Variants in METTL6 observed in about 807,000 individuals in gnomAD.
METTL6 encodes tRNA N(3)-cytidine methyltransferase METTL6.
A neutral mutation model predicts 26.4 loss-of-function variants in METTL6; 22 were observed. That is an observed-to-expected ratio of 0.83 (90% CI 0.59 to 1.19). The LOEUF is 1.19. METTL6 is among the 50% of genes most tolerant of loss of function. METTL6 has a pLI of 0.00. For synonymous variants in METTL6, 109 were observed against 116.2 expected, an observed-to-expected ratio of 0.94 and a Z score of 0.40; for missense variants, 304 against 324.8, an observed-to-expected ratio of 0.94 and a Z score of 0.49.
chr3:15,421,583 C>G (rs940393172), intron 3 of METTL6, among the ~76,000 whole-genome samples: 13 of 152,076 alleles, frequency 8.5e-5, no homozygotes, highest in African/African-American at 3.1e-4. Flanking sequence ...ACCTCAGTCT[C>G]CCAAACAGCT....
chr3:15,384,393 G>A, intron 6 of METTL6: 2 of 171,622 alleles, frequency 1.2e-5, no homozygotes, highest in Non-Finnish European at 2.5e-5. Flanking sequence ...GACCAAAACA[G>A]GAAATAAAGA....
At position 15,412,342 on chromosome 3, in the gene METTL6, A is replaced by G. The variant is rs530071030; in HGVS notation, c.674-905T>C. 1.2e-3 allele frequency among the ~76,000 whole-genome samples: 179 copies of G among 152,362 alleles called. 2 individuals carry two copies. The highest frequency in any genetic ancestry group is 3.4e-3 in the African/African-American group (142 of 41,592). ...GGCAGCAAAAATAAAGACTCGTACT[A>G]AGAGCATTGCTCCAGAGAACGTGCT... On this transcript the variant is annotated intron_variant, in intron 5 of 5. Coordinates refer to ENST00000383790, the MANE Select transcript of METTL6 (RefSeq NM_152396.4).
chr3:15,391,841 T>C (rs1480243665), intron 6 of METTL6, among the ~76,000 whole-genome samples: 3 of 152,188 alleles, frequency 2.0e-5, no homozygotes, highest in Non-Finnish European at 4.4e-5. Flanking sequence ...CCATTTTTTA[T>C]GGCTGCATAG....
chr3:15,381,860 C>G (rs763804195), exon 7 of METTL6: 8 of 151,926 alleles, frequency 5.3e-5, no homozygotes, highest in Non-Finnish European at 7.4e-5. Flanking sequence ...CAGATTATCT[C>G]TTAGGAAACA....
chr3:15,420,728 TAG>T (rs1385839673), intron 3 of METTL6, among the ~76,000 whole-genome samples: 2 of 152,186 alleles, frequency 1.3e-5, no homozygotes, highest in African/African-American at 4.8e-5. Flanking sequence ...ATGACCAACG[TAG>T]AGTCAGTAAC....
intron 6 of METTL6, among the ~76,000 whole-genome samples, chr3:15,385,282 G>A (rs1016642557): frequency 6.6e-6 from 1 of 152,082 alleles, no homozygotes; most frequent in African/African-American, 2.4e-5. Flanking sequence ...TTTAGGAACT[G>A]CCCCTTCTTT....
intron 6 of METTL6, among the ~76,000 whole-genome samples, chr3:15,384,855 T>C (rs1252823573): frequency 6.6e-6 from 1 of 152,212 alleles, no homozygotes; most frequent in Non-Finnish European, 1.5e-5. Context: ...TGGGGGACAA[T>C]TACTGCCCCT....
At chr3:15,420,629 T>G (rs562843549) in intron 3 of METTL6, among the ~76,000 whole-genome samples, 1 of 152,328 alleles carries the variant, frequency 6.6e-6, no homozygotes, top group East Asian at 1.9e-4. Flanking sequence ...GCATTTTATT[T>G]TACTTTGCTA....
At chr3:15,423,971 C>T (rs1160712482) in intron 3 of METTL6, among the ~76,000 whole-genome samples, 1 of 152,028 alleles carries the variant, frequency 6.6e-6, no homozygotes, top group Non-Finnish European at 1.5e-5. Context: ...TTTTGGGAGG[C>T]TGAGGCAGGT....
At chr3:15,425,209 G>C (rs2061691928) in intron 2 of METTL6, 120 bp from the exon 3 acceptor site, 1 of 1,031,152 alleles carries the variant, frequency 9.7e-7, no homozygotes, top group Middle Eastern at 2.3e-4. Context: ...ATCAACAAGA[G>C]AACTAATAAG....
chr3:15,401,113 C>G (rs1173987817), intron 6 of METTL6, among the ~76,000 whole-genome samples: 2 of 151,964 alleles, frequency 1.3e-5, no homozygotes, highest in African/African-American at 2.4e-5. Context: ...AATCTTGGCT[C>G]ACTGCAAGCT....
At chr3:15,406,467 C>G (rs985883134), downstream of METTL6, among the ~76,000 whole-genome samples, 2 of 151,060 alleles carry the variant, frequency 1.3e-5, no homozygotes, top group African/African-American at 4.9e-5. Flanking sequence ...TACTGATGGA[C>G]TGGGTCACCT....
intron 5 of METTL6, among the ~76,000 whole-genome samples, chr3:15,413,211 C>T (rs1700047388): frequency 6.6e-6 from 1 of 152,174 alleles, no homozygotes; most frequent in Non-Finnish European, 1.5e-5. Flanking sequence ...TGCCACTGCA[C>T]TCCAGCCTGT....
At chr3:15,400,297 T>C (rs1288405171) in intron 6 of METTL6, among the ~76,000 whole-genome samples, 2 of 151,962 alleles carry the variant, frequency 1.3e-5, no homozygotes, top group East Asian at 3.8e-4. Context: ...AAGCCCCAGG[T>C]CCCCTATTCC....
chr3:15,413,547 G>A, intron 5 of METTL6: 1 of 854,436 alleles, frequency 1.2e-6, no homozygotes, highest in Non-Finnish European at 1.5e-6. Context: ...ACTCCAGCCT[G>A]GGTGACAGAA....
chr3:15,426,547 G>T lies in METTL6; in HGVS notation c.-36C>A, dbSNP rs760118196. The stretch of plus-strand genomic sequence containing the variant: ...GACGGTAACACTTAACACAGCTGAA[G>T]ATTCTCCATCACCAAATAATATGAA... On this transcript the variant is annotated 5_prime_UTR_variant, in exon 2 of 6. Transcript: ENST00000383790. 4.5e-6 allele frequency: 7 copies of T among 1,572,186 alleles called. No individual in the cohort carries two copies. The highest frequency in any genetic ancestry group is 6.1e-6 in the Non-Finnish European group (7 of 1,149,240).
chr3:15,396,257 T>A (rs1318630669), intron 6 of METTL6, among the ~76,000 whole-genome samples: 1 of 152,210 alleles, frequency 6.6e-6, no homozygotes, highest in Non-Finnish European at 1.5e-5. Flanking sequence ...CCATCACTGA[T>A]ACCCTTTCTT....
downstream of METTL6, among the ~76,000 whole-genome samples, chr3:15,409,444 T>G (rs1699887364): frequency 6.6e-6 from 1 of 152,002 alleles, no homozygotes; most frequent in Non-Finnish European, 1.5e-5. Flanking sequence ...GGGAAAGAGG[T>G]CAGCAGACCA....
At chr3:15,396,910 C>T (rs1699503980) in intron 6 of METTL6, among the ~76,000 whole-genome samples, 1 of 152,154 alleles carries the variant, frequency 6.6e-6, no homozygotes, top group African/African-American at 2.4e-5. Context: ...GGGGTGCCTC[C>T]CAGTTAGGCT....
Sources: gnomAD v4.1 joint callset for allele counts (sites outside exome capture counted in the v4.1 genomes callset) on GRCh38, gnomAD v4.1.1 for gene constraint, MANE v1.5 for transcripts, NCBI Gene and HGNC (gene_info 2026-07-23, HGNC 2026-07-21) for gene names.